MEIS2: variants seen among roughly 807,000 people sequenced by gnomAD.
The protein encoded by MEIS2 is homeobox protein Meis2.
A neutral mutation model predicts 58.6 loss-of-function variants in MEIS2; 9 were observed. The observed-to-expected ratio is 0.15, with a 90% confidence interval of 0.09 to 0.27. The LOEUF is 0.27. Ranked by LOEUF, MEIS2 falls within the 10% of genes least tolerant of loss-of-function variation. The probability of loss-of-function intolerance (pLI) is 1.00; values close to 1 mark genes in which losing one functional copy is unlikely to be tolerated. For synonymous variants in MEIS2, 221 were observed against 228.4 expected (o/e 0.97, Z 0.29); for missense variants, 427 against 635.0 (o/e 0.67, Z 3.52).
intron 7 of MEIS2, among the ~76,000 whole-genome samples, chr15:37,071,885 T>C (rs145687214): frequency 2.6e-3 from 399 of 152,254 alleles, no homozygotes; most frequent in Non-Finnish European, 4.0e-3. Context: ...CAACTTTGCA[T>C]GTGCAAATGA....
intron 8 of MEIS2, among the ~76,000 whole-genome samples, chr15:36,965,830 T>G (rs1375467909): frequency 6.6e-6 from 1 of 152,188 alleles, no homozygotes. Flanking sequence ...AGAAAAAGCT[T>G]TGACAAGTCC....
chr15:36,924,725 G>A (rs1372476147), intron 9 of MEIS2, among the ~76,000 whole-genome samples: 1 of 152,162 alleles, frequency 6.6e-6, no homozygotes, highest in Non-Finnish European at 1.5e-5. Context: ...GCACAATTCT[G>A]GACATTTTAG....
chr15:36,925,084 C>G (rs1048870109), intron 9 of MEIS2, among the ~76,000 whole-genome samples: 1 of 152,048 alleles, frequency 6.6e-6, no homozygotes, highest in Non-Finnish European at 1.5e-5. Context: ...TTGTATCCCT[C>G]AAGGCTGTCT....
At chr15:37,067,963 T>C (rs78041866) in intron 7 of MEIS2, among the ~76,000 whole-genome samples, 6,187 of 152,224 alleles carry the variant, frequency 0.041, 172 homozygotes, top group East Asian at 0.095. Flanking sequence ...TTAATTGCTA[T>C]TATTATTATT....
Position 37,098,026 on chromosome 15 carries a change from C to A in MEIS2, c.186G>T (p.Pro62=). The part of the protein sequence containing the change: ...GAHAPHPNVM[P]ASMGSAVNDA... The stretch of plus-strand genomic sequence containing the variant: ...CGTTGACAGCGGATCCCATACTGGC[C>A]GGCATGACATTGGGGTGCGGGGCGT... The change falls in exon 2 of 12, where the codon CCG becomes CCT. Residue 62 remains proline, a synonymous_variant. Transcript: ENST00000561208. The A allele has an allele frequency of 6.2e-7, 1 of 1,612,828 alleles. No individual in the cohort carries two copies. The highest frequency in any genetic ancestry group is 8.5e-7 in the Non-Finnish European group (1 of 1,179,206).
chr15:37,099,262 A>G (rs1376691016), intron 1 of MEIS2, 193 bp downstream of exon 1: 3 of 1,454,320 alleles, frequency 2.1e-6, no homozygotes, highest in South Asian at 2.9e-5. Context: ...ACACGCACGC[A>G]CACACACTCG....
chr15:36,997,568 G>T (rs991654420), intron 8 of MEIS2, among the ~76,000 whole-genome samples: 3 of 150,528 alleles, frequency 2.0e-5, no homozygotes, highest in East Asian at 3.9e-4. Context: ...CTCACTGCAA[G>T]CTCCATCTTC....
chr15:36,917,201 T>C (rs538314144), intron 9 of MEIS2, among the ~76,000 whole-genome samples: 19 of 152,308 alleles, frequency 1.2e-4, no homozygotes, highest in African/African-American at 4.6e-4. Flanking sequence ...GATAGAGAAA[T>C]TGAACCAATT....
intron 6 of MEIS2, among the ~76,000 whole-genome samples, chr15:37,093,203 GCTAA>G (rs1033991104): frequency 6.6e-6 from 1 of 152,160 alleles, no homozygotes; most frequent in Non-Finnish European, 1.5e-5. Flanking sequence ...GACCAGTCCA[GCTAA>G]CTGTCTTGCT....
chr15:37,081,070 T>C (rs1257566185), intron 7 of MEIS2, among the ~76,000 whole-genome samples: 1 of 152,168 alleles, frequency 6.6e-6, no homozygotes, highest in Non-Finnish European at 1.5e-5. Context: ...ACAAAAATTA[T>C]AAAGCAACAT....
At chr15:37,086,290 T>C (rs1268494540) in intron 6 of MEIS2, among the ~76,000 whole-genome samples, 1 of 152,184 alleles carries the variant, frequency 6.6e-6, no homozygotes, top group African/African-American at 2.4e-5. Context: ...AAGGGATCAC[T>C]CAGAAGGACT....
chr15:36,990,185 C>T lies in MEIS2; in HGVS notation c.901-39785G>A, dbSNP rs572127299. ...TGGTCTTGATCTCCTGACCTCGTGA[C>T]CCGCCCACCTCGGCCTCCCAAAGTG... is the stretch of plus-strand genomic sequence containing the variant. On this transcript the variant is annotated intron_variant, in intron 8 of 11. Coordinates refer to ENST00000561208, the MANE Select transcript of MEIS2 (RefSeq NM_170675.5). Among the ~76,000 whole-genome samples, 16 of 152,086 alleles carry T rather than the reference C, an allele frequency of 1.1e-4. No homozygotes were observed. In the East Asian group the frequency reaches 2.7e-3, roughly 26 times the overall value.
chr15:37,098,255 G>A lies in MEIS2; in HGVS notation c.13-56C>T. On this transcript the variant is annotated intron_variant, in intron 1 of 11. Transcript: ENST00000561208. ...CAGGAGGTGAGGGAGAACAGAGGAG[G>A]GGGGTGGAAAGGGAAAAAGAGCAGG... The A allele has an allele frequency of 2.0e-6, 3 of 1,490,294 alleles. No homozygotes were observed. In the South Asian group the frequency reaches 4.0e-5, roughly 20 times the overall value. 92.3% of individuals were successfully genotyped at this position (1,490,294 alleles called of 1,614,324 possible). A position where few individuals can be genotyped will look rare whatever the true frequency, so the allele number is the denominator to read the frequency against.
chr15:36,893,472 T>C (rs1175726357), intron 11 of MEIS2, among the ~76,000 whole-genome samples: 1 of 152,192 alleles, frequency 6.6e-6, no homozygotes, highest in Non-Finnish European at 1.5e-5. Flanking sequence ...GCCTGCATAG[T>C]CCCAGCTCTC....
Position 36,891,302 on chromosome 15 carries a change from A to G in MEIS2, c.*871T>C, listed in dbSNP as rs1240429831. On this transcript the variant is annotated 3_prime_UTR_variant, in exon 12 of 12. Coordinates refer to ENST00000561208, the MANE Select transcript of MEIS2 (RefSeq NM_170675.5). ...ATATCTAACATGAAACAATTAATAG[A>G]CCGAACTCTGTACGAAGTTTGTTAC... The G allele has an allele frequency of 6.6e-6, 1 of 152,510 alleles. No individual in the cohort carries two copies. The highest frequency in any genetic ancestry group is 1.5e-5 in the Non-Finnish European group (1 of 68,030). 9.4% of individuals were successfully genotyped at this position (152,510 alleles called of 1,614,324 possible). A position where few individuals can be genotyped will look rare whatever the true frequency, so the allele number is the denominator to read the frequency against.
In MEIS2 at chr15:37,039,300, A is replaced by G. The variant is rs2062309675; in HGVS notation, c.755-2341T>C. Among the ~76,000 whole-genome samples, 3 of 152,244 alleles carry G rather than the reference A, an allele frequency of 2.0e-5. No homozygotes were observed. In the South Asian group the frequency reaches 6.2e-4, roughly 32 times the overall value. ...ACTCTTCCTTCAGTGTCTTCCAAAT[A>G]TAAAAACACACTCTGTAAACAATGC... On this transcript the variant is annotated intron_variant, in intron 7 of 11. Transcript: ENST00000561208.
chr15:36,896,972 C>G (rs2056210763), intron 9 of MEIS2: 1 of 316,602 alleles, frequency 3.2e-6, no homozygotes, highest in Non-Finnish European at 5.9e-6. Context: ...CTGCTTCTTG[C>G]ACAAGTAGGA....
chr15:36,905,103 G>T (rs555714123), intron 9 of MEIS2, among the ~76,000 whole-genome samples: 4 of 152,168 alleles, frequency 2.6e-5, no homozygotes, highest in Admixed American at 6.5e-5. Flanking sequence ...CTTTGCCAGA[G>T]ATGAATTCAT....
At chr15:37,030,742 T>C (rs1477806539) in intron 8 of MEIS2, among the ~76,000 whole-genome samples, 1 of 151,826 alleles carries the variant, frequency 6.6e-6, no homozygotes, top group Admixed American at 6.6e-5. Context: ...AGCCTTTGAC[T>C]CCTGGGCTCC....
Sources: gnomAD v4.1 joint callset for allele counts (sites outside exome capture counted in the v4.1 genomes callset) on GRCh38, gnomAD v4.1.1 for gene constraint, MANE v1.5 for transcripts, NCBI Gene and HGNC (gene_info 2026-07-23, HGNC 2026-07-21) for gene names.